The following IFT20 variants were observed in gnomAD, a reference collection of about 807,000 sequenced individuals.
The protein encoded by IFT20 is intraflagellar transport protein 20 homolog.
In IFT20, 4 loss-of-function variants were observed where a neutral mutation model predicts 16.9. The ratio of observed to expected loss-of-function variants is 0.24; its 90% confidence interval spans 0.12 to 0.54. The LOEUF is 0.54. Among genes scored for constraint, IFT20 ranks in the 20% least tolerant of loss-of-function variants. The pLI is 0.95. For missense variants in IFT20, 154 were observed against 149.7 expected (o/e 1.03, Z -0.15); for synonymous variants, 48 against 49.9 (o/e 0.96, Z 0.16).
At chr17:28,329,531 G>T in intron 3 of IFT20, 1 of 430,336 alleles carries the variant, frequency 2.3e-6, no homozygotes, top group African/African-American at 2.0e-5. Context: ...CACATTTGGT[G>T]GTGCCATTCA....
At chr17:28,332,234 C>A in intron 1 of IFT20, 1 of 1,534,818 alleles carries the variant, frequency 6.5e-7, no homozygotes, top group South Asian at 1.2e-5. Flanking sequence ...GAGCAAGGGT[C>A]AGGAAAGAAT....
chr17:28,328,612 T>C lies in IFT20; in HGVS notation c.*40A>G, dbSNP rs782726537. 7 of 1,403,840 alleles carry C rather than the reference T, an allele frequency of 5.0e-6. No individual in the cohort carries two copies. The highest frequency in any genetic ancestry group is 6.9e-6 in the Non-Finnish European group (7 of 1,009,818). 87.0% of individuals were successfully genotyped at this position (1,403,840 alleles called of 1,614,324 possible). ...GTTTTTTTGGTTTTGAGAGGCTTTTTTTTGTTTTGCCTTCCTACTATAAAA... is the reference window on the plus strand; with the variant it reads ...GTTTTTTTGGTTTTGAGAGGCTTTTCTTTGTTTTGCCTTCCTACTATAAAA... On this transcript the variant is annotated 3_prime_UTR_variant, in exon 5 of 5. Transcript: ENST00000395418.
intron 1 of IFT20, among the ~76,000 whole-genome samples, chr17:28,334,267 T>G (rs944904414): frequency 6.6e-6 from 1 of 152,058 alleles, no homozygotes; most frequent in Non-Finnish European, 1.5e-5. Context: ...CTGAAAAAAA[T>G]GACACTTAAA....
intron 4 of IFT20, 94 bp downstream of exon 4, chr17:28,329,079 A>G (rs782544942): frequency 1.2e-5 from 10 of 832,026 alleles, no homozygotes; most frequent in African/African-American, 5.2e-5. Context: ...CTGGGAAAAC[A>G]ATGATGAAGA....
intron 2 of IFT20, chr17:28,331,536 G>A (rs148009868): frequency 3.9e-6 from 1 of 256,832 alleles, no homozygotes; most frequent in East Asian, 8.4e-5. Flanking sequence ...ATCAAATCAT[G>A]AGTACATAAT....
intron 4 of IFT20, 123 bp downstream of exon 4, chr17:28,329,050 G>A (rs1906541116): frequency 4.2e-6 from 3 of 709,600 alleles, no homozygotes; most frequent in Admixed American, 2.7e-5. Flanking sequence ...AAATCAGGAT[G>A]ACAAGTGAGA....
At chr17:28,330,965 A>T (rs1906736947) in intron 2 of IFT20, among the ~76,000 whole-genome samples, 1 of 152,204 alleles carries the variant, frequency 6.6e-6, no homozygotes, top group Non-Finnish European at 1.5e-5. Flanking sequence ...TGCTGGGCTC[A>T]TTCTCCAGAC....
chr17:28,331,967 C>G lies in IFT20; in HGVS notation c.19G>C (p.Gly7Arg). 6.2e-7 allele frequency: 1 copy of G among 1,614,206 alleles called. No homozygotes were observed. The highest frequency in any genetic ancestry group is 8.5e-7 in the Non-Finnish European group (1 of 1,180,038). Residue 7 changes from glycine to arginine, a missense_variant, in exon 2 of 5, where the codon GGT becomes CGT. Gly to Arg is a moderately radical substitution (Grantham distance 125, BLOSUM62 -2). Coordinates refer to ENST00000395418, the MANE Select transcript of IFT20 (RefSeq NM_001267776.2). MAKDIL[G>R]EAGLHFDELN... Reference sequence around the variant, plus strand: ...TCATCAAAGTGTAGCCCTGCTTCACCCAGGATGTCCTTGGCCATGGCTGTA... The same window carrying G: ...TCATCAAAGTGTAGCCCTGCTTCACGCAGGATGTCCTTGGCCATGGCTGTA...
rs1906500741 is a variant in IFT20 at position 28,328,718 on chromosome 17, A to C, written c.333T>G (p.Tyr111Ter). ...CTGCTTCTACTTTACACAAAGCTTC[A>C]TATTCAACCCGATACCTGAAAAACA... ...KMQLERYRVEYEALCKVEAEQ... is the reference protein window; with the variant it reads ...KMQLERYRVE The change falls in exon 5 of 5, where the codon TAT (tyrosine) becomes TAG (stop). Residue 111 changes from tyrosine (Y) to a stop codon, truncating the protein, a stop_gained. Coordinates refer to ENST00000395418, the MANE Select transcript of IFT20 (RefSeq NM_001267776.2). LOFTEE classifies it high-confidence loss of function. 6.2e-7 allele frequency: 1 copy of C among 1,600,328 alleles called. No individual in the cohort carries two copies.
chr17:28,328,539 A>G lies in IFT20; in HGVS notation c.*113T>C. 1 of 711,708 alleles carries G rather than the reference A, an allele frequency of 1.4e-6. No individual in the cohort carries two copies. The highest frequency in any genetic ancestry group is 2.5e-6 in the Non-Finnish European group (1 of 407,474). 44.1% of individuals were successfully genotyped at this position (711,708 alleles called of 1,614,324 possible). ...CAGGGGGCTGCATTCCTTACACGCC[A>G]CCTCTTGTGACATAGGTCATTGGTC... On this transcript the variant is annotated 3_prime_UTR_variant, in exon 5 of 5. Transcript: ENST00000395418.
chr17:28,335,101 C>A (rs1344016350), intron 1 of IFT20, among the ~76,000 whole-genome samples: 1 of 152,178 alleles, frequency 6.6e-6, no homozygotes, highest in Non-Finnish European at 1.5e-5. Flanking sequence ...GCACTGCGAG[C>A]CGACTCTTTA....
intron 2 of IFT20, 180 bp downstream of exon 2, chr17:28,331,679 T>C (rs1319158955): frequency 1.0e-5 from 7 of 675,108 alleles, no homozygotes; most frequent in Admixed American, 2.6e-5. Flanking sequence ...TGGTGCCCTG[T>C]TGGGGACACA....
intron 2 of IFT20, 101 bp downstream of exon 2, chr17:28,331,758 A>C: frequency 6.8e-7 from 1 of 1,480,618 alleles, no homozygotes; most frequent in Non-Finnish European, 9.3e-7. Context: ...TTCAACCTCC[A>C]GGGAGCCAGC....
At chr17:28,335,076 CCA>C (rs1350743409) in intron 1 of IFT20, among the ~76,000 whole-genome samples, 1 of 152,180 alleles carries the variant, frequency 6.6e-6, no homozygotes, top group Non-Finnish European at 1.5e-5. Context: ...CCCGGCTCTC[CCA>C]GATGCATGCG....
chr17:28,329,210 G>C lies in IFT20; in HGVS notation c.280C>G (p.Gln94Glu), dbSNP rs782135893. Residue 94 changes from glutamine (Q) to glutamate (E), a missense_variant, in exon 4 of 5, where the codon CAA becomes GAA. Transcript: ENST00000395418. The part of the protein sequence containing the change: ...KQREAQQQQL[Q>E]ALIAEKKMQL... Reference sequence around the variant, plus strand: ...ATTTTCTTTTCTGCTATTAGGGCTTGAAGTTGCTGCTGTTGAGCTTCTCTC... The same window carrying C: ...ATTTTCTTTTCTGCTATTAGGGCTTCAAGTTGCTGCTGTTGAGCTTCTCTC... 5.0e-6 allele frequency: 8 copies of C among 1,613,996 alleles called. No homozygotes were observed. The highest frequency in any genetic ancestry group is 1.3e-5 in the African/African-American group (1 of 74,924).
At chr17:28,332,143 C>G in intron 1 of IFT20, 156 bp from the exon 2 acceptor site, 1 of 1,550,256 alleles carries the variant, frequency 6.5e-7, no homozygotes, top group Non-Finnish European at 8.7e-7. Flanking sequence ...CTCTGAGCCT[C>G]ACCTGTTTCC....
intron 4 of IFT20, 119 bp from the exon 5 acceptor site, chr17:28,328,852 GAAGA>G (rs148429122): frequency 0.056 from 41,979 of 745,242 alleles, 1,532 homozygotes; most frequent in South Asian, 0.088. Context: ...AGTTCAGAAT[GAAGA>G]AAGAAAGAGG....
chr17:28,332,700 A>C (rs559252037), intron 1 of IFT20: 1 of 156,106 alleles, frequency 6.4e-6, no homozygotes, highest in East Asian at 1.9e-4. Context: ...CTGAATTGGG[A>C]ATCAAAGTTG....
chr17:28,330,402 G>A (rs1906689476), intron 3 of IFT20, 41 bp downstream of exon 3: 1 of 1,405,420 alleles, frequency 7.1e-7, no homozygotes, highest in Non-Finnish European at 1.0e-6. Context: ...GTGAACTAGG[G>A]TCCCAGGCCA....
Sources: gnomAD v4.1 joint callset for allele counts (sites outside exome capture counted in the v4.1 genomes callset) on GRCh38, gnomAD v4.1.1 for gene constraint, MANE v1.5 for transcripts, NCBI Gene and HGNC (gene_info 2026-07-23, HGNC 2026-07-21) for gene names.